Variants in HAUS8 observed in about 807,000 individuals in gnomAD.
HAUS8 encodes HAUS augmin-like complex subunit 8.
HAUS8 carries 38 observed loss-of-function variants against 42.9 expected under a neutral mutation model. The ratio of observed to expected loss-of-function variants is 0.89; its 90% CI spans 0.68 to 1.16. The LOEUF (loss-of-function observed/expected upper bound fraction) is 1.16, where lower values mean the gene tolerates loss of function less well. Ranked by LOEUF, HAUS8 falls within the 50% of genes most tolerant of loss-of-function variation. HAUS8 has a pLI of 0.00. For synonymous variants in HAUS8, 199 were observed against 205.8 expected (o/e 0.97, Z 0.28); for missense variants, 494 against 511.6 (o/e 0.97, Z 0.33).
chr19:17,067,204 C>CA (rs113437145), intron 3 of HAUS8, among the ~76,000 whole-genome samples: 89,059 of 124,170 alleles, frequency 0.72, 30,906 homozygotes, highest in Admixed American at 0.79. Flanking sequence ...GACTCCATCT[C>CA]AAAAAAAAAA....
Position 17,071,019 on chromosome 19 carries a change from G to A in HAUS8, c.92-1933C>T, listed in dbSNP as rs892237339. On this transcript the variant is annotated intron_variant, in intron 2 of 10. Coordinates refer to ENST00000253669, the MANE Select transcript of HAUS8 (RefSeq NM_033417.2). Reference sequence around the variant, plus strand: ...CAGGAGGCAGAGGCTGCAGTGAGCCGAGATCGTGCCATTGCACTCCAGCCT... The same window carrying A: ...CAGGAGGCAGAGGCTGCAGTGAGCCAAGATCGTGCCATTGCACTCCAGCCT... Among the ~76,000 whole-genome samples, 17 of 151,252 alleles carry A rather than the reference G, an allele frequency of 1.1e-4. 1 individual carries two copies. Among genetic ancestry groups the A allele is most frequent in the Admixed American group, 3.3e-4 (5 of 15,156 alleles).
Position 17,055,827 on chromosome 19 carries a change from T to C in HAUS8, c.787+34A>G, listed in dbSNP as rs775371951. On this transcript the variant is annotated intron_variant, in intron 9 of 10. Transcript: ENST00000253669. ...ACCCACACACGCTCCTCGCCCCGCCTGCTGCACACGCACTGGGACGCCCCG... is the reference window on the plus strand; with the variant it reads ...ACCCACACACGCTCCTCGCCCCGCCCGCTGCACACGCACTGGGACGCCCCG... 4 of 1,598,786 alleles carry C rather than the reference T, an allele frequency of 2.5e-6. No homozygotes were observed. In the Admixed American group the frequency reaches 5.1e-5, roughly 20 times the overall value.
intron 2 of HAUS8, among the ~76,000 whole-genome samples, 165 bp downstream of exon 2, chr19:17,073,109 G>A (rs1486833011): frequency 6.6e-6 from 1 of 152,120 alleles, no homozygotes; most frequent in African/African-American, 2.4e-5. Context: ...TCCTGACACA[G>A]CCCTCGCCAC....
intron 4 of HAUS8, among the ~76,000 whole-genome samples, chr19:17,062,332 A>G (rs2057365796): frequency 6.6e-6 from 1 of 152,098 alleles, no homozygotes; most frequent in Admixed American, 6.5e-5. Context: ...GGGTTTCACT[A>G]TGTTGGCCAG....
chr19:17,051,014 C>T (rs564642468), intron 10 of HAUS8, among the ~76,000 whole-genome samples: 14 of 152,220 alleles, frequency 9.2e-5, no homozygotes, highest in South Asian at 2.1e-4. Flanking sequence ...GAACCGAGAT[C>T]GCGCCACTGC....
chr19:17,054,070 C>G (rs529671146), intron 9 of HAUS8, among the ~76,000 whole-genome samples: 1 of 152,254 alleles, frequency 6.6e-6, no homozygotes, highest in South Asian at 2.1e-4. Context: ...GGGCCACCAG[C>G]AGCCACCAGC....
intron 2 of HAUS8, among the ~76,000 whole-genome samples, chr19:17,072,160 C>A (rs1361566206): frequency 6.6e-6 from 1 of 152,010 alleles, no homozygotes; most frequent in African/African-American, 2.4e-5. Context: ...AATAAAAAGA[C>A]AACTTACCCA....
At position 17,062,849 on chromosome 19, in the gene HAUS8, T is replaced by A; in HGVS notation, c.148-70A>T. The A allele has an allele frequency of 4.4e-6, 5 of 1,146,364 alleles. 1 individual carries two copies. In the South Asian group the frequency reaches 4.9e-5, roughly 11 times the overall value. 71.0% of individuals were successfully genotyped at this position (1,146,364 alleles called of 1,614,324 possible). On this transcript the variant is annotated intron_variant, in intron 3 of 10. Coordinates refer to ENST00000253669, the MANE Select transcript of HAUS8 (RefSeq NM_033417.2). ...TTCACAACAACGGGCCCTGATGCGGTCTGCACTGTGTTTCGTAACTGCTCT... is the reference window on the plus strand; with the variant it reads ...TTCACAACAACGGGCCCTGATGCGGACTGCACTGTGTTTCGTAACTGCTCT...
At chr19:17,066,293 C>T (rs1029342805) in intron 3 of HAUS8, among the ~76,000 whole-genome samples, 4 of 152,012 alleles carry the variant, frequency 2.6e-5, no homozygotes, top group Non-Finnish European at 5.9e-5. Flanking sequence ...GACGGGGTCT[C>T]GCCCATGCTA....
chr19:17,056,304 T>C (rs1242317237), intron 8 of HAUS8, among the ~76,000 whole-genome samples: 1 of 152,112 alleles, frequency 6.6e-6, no homozygotes, highest in African/African-American at 2.4e-5. Flanking sequence ...CACAAGGCCA[T>C]CCCCGGCATG....
Position 17,062,708 on chromosome 19 carries a change from C to T in HAUS8, c.219G>A (p.Gln73=), listed in dbSNP as rs1189963529. The change falls in exon 4 of 11, where the codon CAG becomes CAA. Residue 73 remains glutamine (Q), a synonymous_variant. Coordinates refer to ENST00000253669, the MANE Select transcript of HAUS8 (RefSeq NM_033417.2). ...ATGGCTGTTTCGCACCTTTGCTTTT[C>T]TGGAGCAGGCTGGATTTCCTTCCAC... ...SEGGRKSSLL[Q]KSKADSSGVG... 1 of 1,614,012 alleles carries T rather than the reference C, an allele frequency of 6.2e-7. No individual in the cohort carries two copies. Among genetic ancestry groups the T allele is most frequent in the Non-Finnish European group, 8.5e-7 (1 of 1,179,978 alleles).
intron 2 of HAUS8, among the ~76,000 whole-genome samples, chr19:17,072,946 A>C (rs2057437271): frequency 8.1e-6 from 1 of 123,796 alleles, no homozygotes; most frequent in Non-Finnish European, 1.8e-5. Flanking sequence ...TGAGACCCCA[A>C]CTCAAAAAAA....
At chr19:17,071,144 C>T (rs982008800) in intron 2 of HAUS8, among the ~76,000 whole-genome samples, 2 of 151,950 alleles carry the variant, frequency 1.3e-5, no homozygotes, top group African/African-American at 2.4e-5. Flanking sequence ...TGAAGAGGCC[C>T]GGGGAGAGTG....
chr19:17,072,906 A>C (rs1223210255), intron 2 of HAUS8, among the ~76,000 whole-genome samples: 4 of 142,974 alleles, frequency 2.8e-5, no homozygotes, highest in Non-Finnish European at 6.0e-5. Context: ...ACTTGAGGTT[A>C]GGAGTTCGAG....
intron 2 of HAUS8, 49 bp from the exon 3 acceptor site, chr19:17,069,135 A>T (rs1419693733): frequency 6.5e-7 from 1 of 1,539,656 alleles, no homozygotes; most frequent in Non-Finnish European, 8.9e-7. Context: ...AGGACCGAAG[A>T]CCCCACACAC....
chr19:17,055,550 G>A (rs1331778082), intron 9 of HAUS8, among the ~76,000 whole-genome samples: 1 of 151,986 alleles, frequency 6.6e-6, no homozygotes, highest in Non-Finnish European at 1.5e-5. Flanking sequence ...GGGGCTGGTG[G>A]TCTTGTCACC....
chr19:17,058,478 A>G (rs998106131), intron 8 of HAUS8, 71 bp downstream of exon 8: 1 of 1,433,152 alleles, frequency 7.0e-7, no homozygotes, highest in East Asian at 2.3e-5. Context: ...CACGAATGCT[A>G]CCGAAACAGT....
chr19:17,062,553 C>A (rs115239930), intron 4 of HAUS8, 145 bp downstream of exon 4: 12 of 647,818 alleles, frequency 1.9e-5, no homozygotes, highest in South Asian at 5.4e-5. Flanking sequence ...CCACATCCCC[C>A]CAGTCTGTCC....
intron 2 of HAUS8, among the ~76,000 whole-genome samples, chr19:17,071,024 C>T (rs956638691): frequency 1.3e-5 from 2 of 149,358 alleles, no homozygotes; most frequent in Non-Finnish European, 3.0e-5. Context: ...GAGCCGAGAT[C>T]GTGCCATTGC....
Sources: gnomAD v4.1 joint callset for allele counts (sites outside exome capture counted in the v4.1 genomes callset) on GRCh38, gnomAD v4.1.1 for gene constraint, MANE v1.5 for transcripts, NCBI Gene and HGNC (gene_info 2026-07-23, HGNC 2026-07-21) for gene names.